BDH2: variants seen among roughly 807,000 people sequenced by gnomAD.
The protein encoded by BDH2 is dehydrogenase/reductase SDR family member 6.
Under a neutral mutation model 33.2 loss-of-function variants are expected in BDH2, and 24 were observed. The observed-to-expected ratio is 0.72, with a 90% confidence interval of 0.52 to 1.02. The LOEUF (loss-of-function observed/expected upper bound fraction) is 1.02, where lower values mean the gene tolerates loss of function less well. Among genes scored for constraint, BDH2 ranks in the 50% least tolerant of loss-of-function variants. The pLI is 0.00. For synonymous variants in BDH2, 81 were observed against 101.6 expected, an observed-to-expected ratio of 0.80 and a Z score of 1.22; for missense variants, 249 against 301.6, an observed-to-expected ratio of 0.83 and a Z score of 1.29.
chr4:103,091,617 C>T (rs1292035571), intron 4 of BDH2: 4 of 433,420 alleles, frequency 9.2e-6, no homozygotes, highest in East Asian at 1.4e-4. Flanking sequence ...TGGTAGCACA[C>T]ACCTGCAGCC....
chr4:103,097,041 T>G (rs1432840578), intron 1 of BDH2, among the ~76,000 whole-genome samples: 1 of 152,224 alleles, frequency 6.6e-6, no homozygotes, highest in Non-Finnish European at 1.5e-5. Flanking sequence ...CACTATCAAT[T>G]GCTTATGATT....
chr4:103,097,894 G>T (rs1251955062), intron 1 of BDH2: 1 of 152,090 alleles, frequency 6.6e-6, no homozygotes. Flanking sequence ...TTGCCTAAAG[G>T]GCTTATATTA....
At chr4:103,091,661 C>T in intron 4 of BDH2, 3 of 453,682 alleles carry the variant, frequency 6.6e-6, no homozygotes, top group African/African-American at 2.0e-5. Flanking sequence ...AAGAGGACCA[C>T]TTGAGCCCAG....
intron 7 of BDH2, among the ~76,000 whole-genome samples, chr4:103,083,914 T>C (rs770819517): frequency 1.3e-5 from 2 of 152,208 alleles, no homozygotes; most frequent in Non-Finnish European, 2.9e-5. Flanking sequence ...TGGTTATCTG[T>C]CTCTTGTCAC....
At chr4:103,097,668 T>C (rs923185246) in intron 1 of BDH2, 2 of 152,208 alleles carry the variant, frequency 1.3e-5, no homozygotes, top group African/African-American at 4.8e-5. Context: ...TTCTCAGAAA[T>C]TCCCACCTGC....
At chr4:103,086,562 A>T in intron 5 of BDH2, 22 bp from the exon 6 acceptor site, 1 of 241,606 alleles carries the variant, frequency 4.1e-6, no homozygotes, top group Non-Finnish European at 6.4e-6. Context: ...AAACAAATAC[A>T]AAAAAAAAAA....
intron 2 of BDH2, among the ~76,000 whole-genome samples, chr4:103,095,900 T>C (rs962071254): frequency 6.6e-6 from 1 of 152,220 alleles, no homozygotes. Flanking sequence ...CTGTAGCGAA[T>C]ATATCATGAT....
intron 2 of BDH2, among the ~76,000 whole-genome samples, chr4:103,095,702 T>C (rs1195383114): frequency 1.3e-5 from 2 of 152,196 alleles, no homozygotes; most frequent in African/African-American, 4.8e-5. Flanking sequence ...TTCATAAATG[T>C]CAAACCATAC....
intron 7 of BDH2, among the ~76,000 whole-genome samples, chr4:103,083,175 C>G (rs1490095601): frequency 6.6e-6 from 1 of 152,182 alleles, no homozygotes; most frequent in Non-Finnish European, 1.5e-5. Context: ...GGATGAATCA[C>G]CCAGCATTCT....
chr4:103,085,865 A>G (rs1433836637), intron 6 of BDH2: 1 of 1,224,042 alleles, frequency 8.2e-7, no homozygotes, highest in Non-Finnish European at 1.0e-6. Flanking sequence ...TTGCAAAGAG[A>G]AGAAATGGTA....
chr4:103,082,842 T>C (rs1747589098), intron 8 of BDH2, 29 bp downstream of exon 8: 1 of 1,573,108 alleles, frequency 6.4e-7, no homozygotes, highest in Non-Finnish European at 8.7e-7. Context: ...TAACAAAAGG[T>C]TTAAATACAT....
At chr4:103,094,889 G>T (rs1748305960) in intron 3 of BDH2, among the ~76,000 whole-genome samples, 1 of 152,148 alleles carries the variant, frequency 6.6e-6, no homozygotes, top group African/African-American at 2.4e-5. Context: ...GCACAGAAGT[G>T]AAAAGCTGTC....
At chr4:103,098,304 T>C (rs1748504208) in intron 1 of BDH2, among the ~76,000 whole-genome samples, 1 of 152,224 alleles carries the variant, frequency 6.6e-6, no homozygotes, top group Non-Finnish European at 1.5e-5. Flanking sequence ...AGAAATGTTA[T>C]TTGCCCAGTG....
chr4:103,090,569 T>C (rs1471481871), intron 5 of BDH2, among the ~76,000 whole-genome samples: 1 of 152,222 alleles, frequency 6.6e-6, no homozygotes, highest in Non-Finnish European at 1.5e-5. Context: ...GTTCTAACCA[T>C]GTGCTAGTTG....
At chr4:103,080,791 A>T (rs556026073) in intron 9 of BDH2, among the ~76,000 whole-genome samples, 1 of 152,378 alleles carries the variant, frequency 6.6e-6, no homozygotes, top group South Asian at 2.1e-4. Flanking sequence ...AATTTAGCTT[A>T]TCAGCAGTAC....
intron 3 of BDH2, 24 bp from the exon 4 acceptor site, chr4:103,092,720 T>C (rs1291817171): frequency 6.6e-7 from 1 of 1,523,478 alleles, no homozygotes; most frequent in Non-Finnish European, 9.1e-7. Flanking sequence ...CAAGAGGCAC[T>C]ATTCCTAAAA....
intron 1 of BDH2, among the ~76,000 whole-genome samples, chr4:103,098,260 G>T (rs772880137): frequency 2.0e-5 from 3 of 152,170 alleles, no homozygotes; most frequent in South Asian, 2.1e-4. Context: ...AGATGAGATA[G>T]GTAGGACCTG....
chr4:103,086,767 G>C (rs1425009249), intron 5 of BDH2, among the ~76,000 whole-genome samples: 1 of 152,188 alleles, frequency 6.6e-6, no homozygotes, highest in East Asian at 1.9e-4. Flanking sequence ...GCATTTCCCA[G>C]GGGGATTACC....
chr4:103,091,819 C>T (rs1748112737), intron 4 of BDH2: 2 of 448,058 alleles, frequency 4.5e-6, no homozygotes, highest in East Asian at 7.0e-5. Context: ...AGCAACAGTG[C>T]CCTCAGGTGG....
Sources: gnomAD v4.1 joint callset for allele counts (sites outside exome capture counted in the v4.1 genomes callset) on GRCh38, gnomAD v4.1.1 for gene constraint, MANE v1.5 for transcripts, NCBI Gene and HGNC (gene_info 2026-07-23, HGNC 2026-07-21) for gene names.